The following PDE10A variants were observed in gnomAD, a reference collection of about 807,000 sequenced individuals.
PDE10A encodes cAMP and cAMP-inhibited cGMP 3',5'-cyclic phosphodiesterase 10A.
Under a neutral mutation model 97.7 loss-of-function variants are expected in PDE10A, and 39 were observed. The ratio of observed to expected loss-of-function variants is 0.40; its 90% CI spans 0.31 to 0.52. The LOEUF (loss-of-function observed/expected upper bound fraction) is 0.52. PDE10A is among the 20% of genes least tolerant of loss of function. The pLI is 0.56. For missense variants in PDE10A, 731 were observed against 1,047.8 expected (o/e 0.70, Z 4.17); for synonymous variants, 371 against 376.8 (o/e 0.98, Z 0.18).
At chr6:165,428,540 C>G (rs1263064609) in intron 10 of PDE10A, 118 bp downstream of exon 10, 2 of 605,036 alleles carry the variant, frequency 3.3e-6, no homozygotes, top group Non-Finnish European at 5.9e-6. Context: ...TCCTAAGCCA[C>G]CACATTTTCA....
chr6:165,623,468 C>G (rs1053276036), intron 1 of PDE10A, among the ~76,000 whole-genome samples: 1 of 151,218 alleles, frequency 6.6e-6, no homozygotes, highest in African/African-American at 2.4e-5. Context: ...AGCCTTTTAA[C>G]CTATGACATA....
intron 1 of PDE10A, among the ~76,000 whole-genome samples, chr6:165,912,823 A>G (rs776713249): frequency 6.6e-6 from 1 of 152,248 alleles, no homozygotes; most frequent in Non-Finnish European, 1.5e-5. Context: ...CTCTATGTCC[A>G]GTATAAGCAA....
At chr6:165,422,728 A>G (rs78017060) in intron 10 of PDE10A, among the ~76,000 whole-genome samples, 10,828 of 152,260 alleles carry the variant, frequency 0.071, 490 homozygotes, top group Middle Eastern at 0.16. Context: ...GAAGAAATAG[A>G]TAAATTCAAG....
intron 1 of PDE10A, among the ~76,000 whole-genome samples, chr6:165,833,136 T>A (rs1347214519): frequency 6.6e-6 from 1 of 152,242 alleles, no homozygotes; most frequent in Non-Finnish European, 1.5e-5. Flanking sequence ...AAAATGACAT[T>A]CATGGATGTC....
chr6:165,789,526 G>C (rs1377756112), intron 1 of PDE10A, among the ~76,000 whole-genome samples: 1 of 151,958 alleles, frequency 6.6e-6, no homozygotes, highest in Non-Finnish European at 1.5e-5. Flanking sequence ...TTTTATTCCT[G>C]GCCACTAGTG....
chr6:165,890,502 C>G (rs1213982916), intron 1 of PDE10A, among the ~76,000 whole-genome samples: 1 of 152,170 alleles, frequency 6.6e-6, no homozygotes, highest in African/African-American at 2.4e-5. Context: ...TCATTAGAAG[C>G]TGCTGAGTTT....
In PDE10A at chr6:165,962,082, T is replaced by C. The variant is rs1426499637; in HGVS notation, c.-615+25447A>G. Among the ~76,000 whole-genome samples the C allele has an allele frequency of 2.6e-5, 4 of 152,196 alleles. No individual in the cohort carries two copies. In the South Asian group the frequency reaches 8.3e-4, roughly 31 times the overall value. On this transcript the variant is annotated intron_variant, in intron 1 of 19. Coordinates refer to the PDE10A transcript ENST00000366882. Reference sequence around the variant, plus strand: ...AGGAAATCGAGGCTCAGACAGTAAATTGCCCAAGGTTGCCTGGCTCATATG... The same window carrying C: ...AGGAAATCGAGGCTCAGACAGTAAACTGCCCAAGGTTGCCTGGCTCATATG...
chr6:165,642,803 T>C (rs1789201125), intron 1 of PDE10A, among the ~76,000 whole-genome samples: 3 of 152,250 alleles, frequency 2.0e-5, no homozygotes, highest in Non-Finnish European at 4.4e-5. Context: ...CTCGCTCTCT[T>C]GCGGCATACC....
At chr6:165,878,575 T>A (rs1316475463) in intron 1 of PDE10A, among the ~76,000 whole-genome samples, 4 of 152,162 alleles carry the variant, frequency 2.6e-5, no homozygotes, top group Non-Finnish European at 5.9e-5. Flanking sequence ...AGTCACTTGA[T>A]TTTCTGGTTT....
At chr6:165,883,544 A>AT (rs1781544873) in intron 1 of PDE10A, among the ~76,000 whole-genome samples, 2 of 65,334 alleles carry the variant, frequency 3.1e-5, no homozygotes, top group African/African-American at 1.1e-4. Flanking sequence ...CGTCTCAAAA[A>AT]AAAAAAAAAT....
chr6:165,598,612 A>T (rs1041035382), intron 1 of PDE10A, among the ~76,000 whole-genome samples: 7 of 152,152 alleles, frequency 4.6e-5, no homozygotes, highest in Non-Finnish European at 8.8e-5. Flanking sequence ...TCTTATAAGG[A>T]TTATCATGAA....
At chr6:165,570,433 C>T (rs1239040384) in intron 1 of PDE10A, among the ~76,000 whole-genome samples, 4 of 152,014 alleles carry the variant, frequency 2.6e-5, no homozygotes, top group African/African-American at 4.8e-5. Flanking sequence ...AATACCAGGC[C>T]GACAGTGATA....
intron 3 of PDE10A, among the ~76,000 whole-genome samples, chr6:165,474,561 T>A (rs573133562): frequency 1.3e-5 from 2 of 152,286 alleles, no homozygotes; most frequent in African/African-American, 2.4e-5. Flanking sequence ...TACTGGGTGA[T>A]GAACTAATCT....
intron 1 of PDE10A, among the ~76,000 whole-genome samples, chr6:165,899,099 C>T (rs1212943007): frequency 6.6e-6 from 1 of 152,200 alleles, no homozygotes; most frequent in South Asian, 2.1e-4. Context: ...CTTTCCCTGG[C>T]ATCCAGAAGA....
intron 1 of PDE10A, among the ~76,000 whole-genome samples, chr6:165,912,189 A>G (rs189531039): frequency 2.0e-4 from 31 of 152,064 alleles, no homozygotes; most frequent in Admixed American, 3.9e-4. Flanking sequence ...TCTGTCTATC[A>G]TCTATCATCT....
intron 1 of PDE10A, among the ~76,000 whole-genome samples, chr6:165,764,541 G>GATGCTAGGAT (rs59814378): frequency 6.6e-6 from 1 of 151,772 alleles, no homozygotes; most frequent in East Asian, 1.9e-4. Context: ...TGTTCCTTCT[G>GATGCTAGGAT]GTGTTCGGAG....
intron 1 of PDE10A, among the ~76,000 whole-genome samples, chr6:165,678,927 G>A (rs972197337): frequency 2.0e-5 from 3 of 152,178 alleles, no homozygotes; most frequent in Non-Finnish European, 2.9e-5. Context: ...AGACTCTTCC[G>A]ATTCGTGTAT....
chr6:165,391,607 C>T (rs746173307), intron 16 of PDE10A, among the ~76,000 whole-genome samples: 4 of 151,868 alleles, frequency 2.6e-5, no homozygotes, highest in South Asian at 2.1e-4. Context: ...GGATCTTTCG[C>T]GGGGAGGTGA....
chr6:165,761,167 C>A (rs1200850528), intron 1 of PDE10A, among the ~76,000 whole-genome samples: 2 of 152,218 alleles, frequency 1.3e-5, no homozygotes, highest in African/African-American at 4.8e-5. Context: ...CTTTCCTTTT[C>A]TTTTCTCCCA....
Sources: gnomAD v4.1 joint callset for allele counts (sites outside exome capture counted in the v4.1 genomes callset) on GRCh38, gnomAD v4.1.1 for gene constraint, MANE v1.5 for transcripts, NCBI Gene and HGNC (gene_info 2026-07-23, HGNC 2026-07-21) for gene names.